Variants in EBF3 observed in about 807,000 individuals in gnomAD.
EBF3 encodes EBF transcription factor 3.
EBF3 carries 18 observed loss-of-function variants against 77.1 expected under a neutral mutation model. That is an observed-to-expected ratio of 0.23 (90% CI 0.16 to 0.35). EBF3 has a LOEUF of 0.35. Among genes scored for constraint, EBF3 ranks in the 10% least tolerant of loss-of-function variants. EBF3 has a pLI of 1.00. For missense variants in EBF3, 558 were observed against 860.0 expected, an observed-to-expected ratio of 0.65 and a Z score of 4.39; for synonymous variants, 350 against 343.5, an observed-to-expected ratio of 1.02 and a Z score of -0.21.
At chr10:129,937,921 A>G (rs1448657390) in intron 6 of EBF3, among the ~76,000 whole-genome samples, 8 of 152,250 alleles carry the variant, frequency 5.3e-5, no homozygotes, top group African/African-American at 2.4e-5. Flanking sequence ...AAGCATGATG[A>G]AAACTCACAT....
chr10:129,865,309 G>A (rs1851924762), intron 10 of EBF3, among the ~76,000 whole-genome samples: 1 of 152,208 alleles, frequency 6.6e-6, no homozygotes, highest in African/African-American at 2.4e-5. Flanking sequence ...GTATATAAGT[G>A]TTTAAAAGGT....
At chr10:129,941,153 T>A (rs1314096101) in intron 6 of EBF3, among the ~76,000 whole-genome samples, 1 of 152,188 alleles carries the variant, frequency 6.6e-6, no homozygotes, top group Non-Finnish European at 1.5e-5. Context: ...ACCTCCATAG[T>A]AGATTGAGAT....
intron 6 of EBF3, among the ~76,000 whole-genome samples, chr10:129,922,098 C>T (rs1856352960): frequency 6.6e-6 from 1 of 152,200 alleles, no homozygotes. Flanking sequence ...GAGGGGTGAC[C>T]AGGCTCATGC....
At chr10:129,932,539 A>C (rs906494889) in intron 6 of EBF3, among the ~76,000 whole-genome samples, 2 of 152,360 alleles carry the variant, frequency 1.3e-5, no homozygotes, top group African/African-American at 4.8e-5. Flanking sequence ...AGATCAATAC[A>C]TCACCATTTC....
At chr10:129,931,969 G>A (rs1351982623) in intron 6 of EBF3, among the ~76,000 whole-genome samples, 1 of 152,164 alleles carries the variant, frequency 6.6e-6, no homozygotes, top group Non-Finnish European at 1.5e-5. Context: ...CTCTGAACCT[G>A]GCGGTTCTCT....
In EBF3 at chr10:129,867,037, G is replaced by A. The variant is rs937577632; in HGVS notation, c.1039+104C>T. ...AGGGGGCTTTGTCTGTCTTTCCACA[G>A]ACCCCTGCCCTCTCTGTACAGTCCT... is the stretch of plus-strand genomic sequence containing the variant. On this transcript the variant is annotated intron_variant, in intron 10 of 16. Transcript: ENST00000440978. The A allele has an allele frequency of 4.2e-6, 6 of 1,415,230 alleles. No individual in the cohort carries two copies. The Admixed American group carries it at 1.4e-4, about 34-fold the overall frequency. The allele number at this position is 1,415,230 out of a possible 1,614,324, so 87.7% of individuals were successfully genotyped here.
At chr10:129,887,767 C>T (rs1349781688) in intron 6 of EBF3, among the ~76,000 whole-genome samples, 3 of 152,188 alleles carry the variant, frequency 2.0e-5, no homozygotes, top group Admixed American at 6.5e-5. Context: ...TGGAGTCACA[C>T]ATGGCGAGTG....
Position 129,885,956 on chromosome 10 carries a change from C to G in EBF3, c.555-8107G>C, listed in dbSNP as rs1032080478. ...CTGAAGATCACGGGAATGCTTCTTT[C>G]GCCATCCTGATTCCTGATGGCTGGG... On this transcript the variant is annotated intron_variant, in intron 6 of 16. Transcript: ENST00000440978. The surrounding 1 kb of genome is among the most constrained non-coding windows in gnomAD (Gnocchi z 4.0). 6.6e-6 allele frequency among the ~76,000 whole-genome samples: 1 copy of G among 151,858 alleles called. No homozygotes were observed. The highest frequency in any genetic ancestry group is 2.4e-5 in the African/African-American group (1 of 41,346).
intron 14 of EBF3, 21 bp downstream of exon 14, chr10:129,840,823 G>C: frequency 6.2e-7 from 1 of 1,605,482 alleles, no homozygotes; most frequent in African/African-American, 1.3e-5. Context: ...GTGATGACGT[G>C]TGACAAAAAC....
intron 6 of EBF3, among the ~76,000 whole-genome samples, chr10:129,911,639 G>A (rs756446992): frequency 8.5e-5 from 13 of 152,198 alleles, no homozygotes; most frequent in Admixed American, 3.3e-4. Context: ...GAGGGGCTGG[G>A]GGCTGCTGCT....
chr10:129,949,515 G>C (rs1320551566), intron 6 of EBF3, among the ~76,000 whole-genome samples: 1 of 152,164 alleles, frequency 6.6e-6, no homozygotes, highest in East Asian at 1.9e-4. Flanking sequence ...GGGGGAACGT[G>C]ACCTTTGATG....
chr10:129,853,168 T>C (rs1384139894), intron 10 of EBF3, among the ~76,000 whole-genome samples: 1 of 152,152 alleles, frequency 6.6e-6, no homozygotes, highest in African/African-American at 2.4e-5. Flanking sequence ...CACAGTTGTG[T>C]TTTTAAAATA....
At chr10:129,951,489 C>T (rs1479303219) in intron 6 of EBF3, among the ~76,000 whole-genome samples, 1 of 152,270 alleles carries the variant, frequency 6.6e-6, no homozygotes, top group Admixed American at 6.5e-5. Flanking sequence ...GGCAACACCA[C>T]GAGGTTTTCA....
rs1413184796 is a variant in EBF3, at chr10:129,848,300, C to T, written c.1128+92G>A. ...GCACAGAGTTTGGGGAATCTGCAATCCCCCCTTCCCAGAGCACCTGCTGCC... is the reference window on the plus strand; with the variant it reads ...GCACAGAGTTTGGGGAATCTGCAATTCCCCCTTCCCAGAGCACCTGCTGCC... On this transcript the variant is annotated intron_variant, in intron 11 of 16. Coordinates refer to ENST00000440978, the MANE Select transcript of EBF3 (RefSeq NM_001375380.1). This position sits in a 1 kb window ranked among gnomAD's most constrained non-coding sequence, Gnocchi z 4.4. The T allele has an allele frequency of 3.9e-6, 5 of 1,297,806 alleles. No homozygotes were observed. The African/African-American group carries it at 4.4e-5, about 11-fold the overall frequency. The allele number at this position is 1,297,806 out of a possible 1,614,324, so 80.4% of individuals were successfully genotyped here. A position where few individuals can be genotyped will look rare whatever the true frequency, so the allele number is the denominator to read the frequency against.
At chr10:129,857,797 C>A (rs1851356424) in intron 10 of EBF3, among the ~76,000 whole-genome samples, 1 of 152,144 alleles carries the variant, frequency 6.6e-6, no homozygotes, top group East Asian at 1.9e-4. Flanking sequence ...ACCATGAGCG[C>A]CTATGAGAAC....
intron 10 of EBF3, among the ~76,000 whole-genome samples, chr10:129,859,651 C>T (rs911682019): frequency 2.0e-5 from 3 of 152,262 alleles, no homozygotes; most frequent in Non-Finnish European, 4.4e-5. Context: ...CGTGCACAGA[C>T]AGGTCTCAGG....
At position 129,837,875 on chromosome 10, in the gene EBF3, C is replaced by G. The variant is rs1055914771; in HGVS notation, c.*68G>C. ...GCATGTCTTAATATACTAAACGTGT[C>G]CCCTGAAGTCCGTCCTTTGATGCTG... On this transcript the variant is annotated 3_prime_UTR_variant, in exon 17 of 17. Coordinates refer to ENST00000440978, the MANE Select transcript of EBF3 (RefSeq NM_001375380.1). 4.1e-5 allele frequency: 66 copies of G among 1,610,946 alleles called. No individual in the cohort carries two copies. The highest frequency in any genetic ancestry group is 1.6e-4 in the East Asian group (7 of 44,878).
chr10:129,942,056 G>A (rs1239320028), intron 6 of EBF3, among the ~76,000 whole-genome samples: 1 of 152,164 alleles, frequency 6.6e-6, no homozygotes, highest in Admixed American at 6.5e-5. Flanking sequence ...CCGCAGCCAG[G>A]AGAAACACCT....
Position 129,861,436 on chromosome 10 carries a change from C to T in EBF3, c.1039+5705G>A, listed in dbSNP as rs141170927. 3.3e-4 allele frequency among the ~76,000 whole-genome samples: 50 copies of T among 152,282 alleles called. No individual in the cohort carries two copies. Among genetic ancestry groups the T allele is most frequent in the Non-Finnish European group, 6.3e-4 (43 of 68,020 alleles). On this transcript the variant is annotated intron_variant, in intron 10 of 16. Transcript: ENST00000440978. This position sits in a 1 kb window ranked among gnomAD's most constrained non-coding sequence, Gnocchi z 4.3. ...GTCACGCATTATCTTGTGATTATCC[C>T]GATTCTGGGCAGGTCCAGAGTCAGC...
Sources: allele counts gnomAD v4.1 joint callset (sites outside exome capture counted in the v4.1 genomes callset), GRCh38; gene constraint gnomAD v4.1.1; non-coding constraint Gnocchi (gnomAD v3.1); transcripts MANE v1.5; gene names NCBI Gene and HGNC (gene_info 2026-07-23, HGNC 2026-07-21).